KLF12: variants seen among roughly 807,000 people sequenced by gnomAD.
KLF12 encodes Krueppel-like factor 12.
KLF12 carries 9 observed loss-of-function variants against 37.8 expected under a neutral mutation model. The ratio of observed to expected loss-of-function variants is 0.24; its 90% CI spans 0.14 to 0.42. KLF12 has a LOEUF of 0.42. Ranked by LOEUF, KLF12 falls within the 10% of genes least tolerant of loss-of-function variation. The probability of loss-of-function intolerance (pLI) is 1.00; values close to 1 mark genes in which losing one functional copy is unlikely to be tolerated. For missense variants in KLF12, 411 were observed against 516.0 expected, an observed-to-expected ratio of 0.80 and a Z score of 1.97; for synonymous variants, 208 against 202.1, an observed-to-expected ratio of 1.03 and a Z score of -0.25.
chr13:74,133,656 T>C (rs1878393968), intron 1 of KLF12, among the ~76,000 whole-genome samples: 1 of 136,350 alleles, frequency 7.3e-6, no homozygotes, highest in Non-Finnish European at 1.6e-5. Flanking sequence ...GTTAAGAGAA[T>C]ACGGTCTGAT....
At chr13:73,813,411 AG>A in intron 4 of KLF12, 124 bp from the exon 5 acceptor site, 1 of 1,036,762 alleles carries the variant, frequency 9.6e-7, no homozygotes, top group Middle Eastern at 2.2e-4. Context: ...TAGACATCAC[AG>A]GAATCAGTGA....
intron 1 of KLF12, among the ~76,000 whole-genome samples, chr13:73,998,849 A>T (rs1892193573): frequency 6.6e-6 from 1 of 152,242 alleles, no homozygotes; most frequent in Non-Finnish European, 1.5e-5. Context: ...GATAAATGCA[A>T]ATCTAAGTGC....
chr13:74,281,726 CAT>C, the KLF12 span, among the ~76,000 whole-genome samples: 1 of 152,158 alleles, frequency 6.6e-6, no homozygotes, highest in African/African-American at 2.4e-5. Context: ...GGTTACAAGA[CAT>C]TCTCCATTTT....
intron 7 of KLF12, among the ~76,000 whole-genome samples, chr13:73,700,351 C>G (rs2137574751): frequency 6.6e-6 from 1 of 151,502 alleles, no homozygotes; most frequent in Non-Finnish European, 1.5e-5. Flanking sequence ...GGCTAAGTAA[C>G]TAATGAAGGC....
intron 3 of KLF12, among the ~76,000 whole-genome samples, chr13:73,935,891 C>T (rs1376327614): frequency 2.6e-5 from 4 of 152,056 alleles, no homozygotes; most frequent in Non-Finnish European, 4.4e-5. Context: ...GGATCACAGG[C>T]GTGAGCACTT....
In KLF12 at chr13:73,958,012, C is replaced by T. The variant is rs376861756; in HGVS notation, c.34-13942G>A. On this transcript the variant is annotated intron_variant, in intron 2 of 7. Transcript: ENST00000377669. The stretch of plus-strand genomic sequence containing the variant: ...TGCAGAAAAGCAAACCACAAATTCA[C>T]TTCTTTTCGCACATGCAGTTTTGTT... Among the ~76,000 whole-genome samples, 5 of 152,188 alleles carry T rather than the reference C, an allele frequency of 3.3e-5. No homozygotes were observed. The South Asian group carries it at 8.3e-4, about 25-fold the overall frequency.
rs1233201697 is a variant in KLF12 at position 73,719,752 on chromosome 13, C to G, written c.870-4227G>C. Among the ~76,000 whole-genome samples the G allele has an allele frequency of 3.3e-5, 5 of 152,090 alleles. No homozygotes were observed. The East Asian group carries it at 9.6e-4, about 29-fold the overall frequency. On this transcript the variant is annotated intron_variant, in intron 6 of 7. Transcript: ENST00000377669. ...GAGTAGCTAGGATTACAGGTACATG[C>G]CACCATGCCTGGCTAACGTTTTAAT...
the KLF12 span, among the ~76,000 whole-genome samples, chr13:74,160,458 T>C: frequency 1.3e-5 from 2 of 152,222 alleles, no homozygotes; most frequent in African/African-American, 4.8e-5. Context: ...AGAAAACTCA[T>C]CTACAGTGAA....
the KLF12 span, among the ~76,000 whole-genome samples, chr13:74,163,889 T>C: frequency 4.5e-5 from 4 of 89,702 alleles, no homozygotes; most frequent in Non-Finnish European, 1.0e-4. Flanking sequence ...AAAAATAATT[T>C]AAAAATTAAA....
At chr13:73,739,127 G>A (rs1295508446) in intron 6 of KLF12, among the ~76,000 whole-genome samples, 3 of 151,836 alleles carry the variant, frequency 2.0e-5, no homozygotes, top group Non-Finnish European at 4.4e-5. Context: ...CCCACTACTC[G>A]GGAGGCTGAG....
chr13:74,008,522 C>G (rs954774513), intron 1 of KLF12, among the ~76,000 whole-genome samples: 1 of 152,152 alleles, frequency 6.6e-6, no homozygotes, highest in Non-Finnish European at 1.5e-5. Flanking sequence ...TTATTTGATT[C>G]GCTAATGAAG....
rs1158756782 is a variant in KLF12, at chr13:73,688,307, G to A, written c.*7183C>T. 1 of 152,460 alleles carries A rather than the reference G, an allele frequency of 6.6e-6. No individual in the cohort carries two copies. The highest frequency in any genetic ancestry group is 2.4e-5 in the African/African-American group (1 of 41,428). 9.4% of individuals were successfully genotyped at this position (152,460 alleles called of 1,614,324 possible). On this transcript the variant is annotated 3_prime_UTR_variant, in exon 8 of 8. Transcript: ENST00000377669. ...AATACTATAAACAAATTATTTATAA[G>A]ACTATTTAAAACATTCCACAACAGA...
At chr13:73,718,268 T>A (rs544902914) in intron 6 of KLF12, among the ~76,000 whole-genome samples, 1 of 152,094 alleles carries the variant, frequency 6.6e-6, no homozygotes, top group African/African-American at 2.4e-5. Flanking sequence ...CAGTCAATAA[T>A]GAATGTTTCT....
chr13:73,888,443 A>G (rs1003740704), intron 3 of KLF12, among the ~76,000 whole-genome samples: 3 of 152,224 alleles, frequency 2.0e-5, no homozygotes, highest in Non-Finnish European at 4.4e-5. Flanking sequence ...AAGAAATTAG[A>G]TATTGCTGCT....
chr13:74,263,266 G>A, the KLF12 span, among the ~76,000 whole-genome samples: 13 of 152,022 alleles, frequency 8.6e-5, no homozygotes, highest in Non-Finnish European at 1.6e-4. Flanking sequence ...ATTACACATA[G>A]GTAGTTTAAC....
chr13:74,148,794 T>A, the KLF12 span, among the ~76,000 whole-genome samples: 1 of 151,996 alleles, frequency 6.6e-6, no homozygotes, highest in East Asian at 1.9e-4. Flanking sequence ...AGTGTTGGAG[T>A]GTTCATGTTT....
the KLF12 span, among the ~76,000 whole-genome samples, chr13:74,141,853 C>A: frequency 1.7e-4 from 26 of 152,134 alleles, no homozygotes; most frequent in Admixed American, 6.5e-4. Flanking sequence ...GAATTTGGAA[C>A]AACCAACTGG....
chr13:74,073,167 C>G (rs1019207896), intron 1 of KLF12, among the ~76,000 whole-genome samples: 6 of 152,208 alleles, frequency 3.9e-5, no homozygotes, highest in African/African-American at 9.7e-5. Flanking sequence ...GTCCACTAAA[C>G]CTCTTTTTCT....
At position 73,944,062 on chromosome 13, in the gene KLF12, G is replaced by T; in HGVS notation, c.42C>A (p.Asn14Lys). ...GCATTAACATTCTGTTCTCAAAGGT[G>T]TTGATATTCTGAGAATAGAAGGGAG... Residue 14 changes from asparagine (N) to lysine (K), a missense_variant, in exon 3 of 8, where the codon AAC becomes AAA. By Grantham distance (94) the Asn-to-Lys change is moderately conservative. This residue lies in a region of KLF12 where 351 missense variants were observed against 397.8 expected (regional missense o/e 0.88). Coordinates refer to ENST00000377669, the MANE Select transcript of KLF12 (RefSeq NM_007249.5). 6.2e-7 allele frequency: 1 copy of T among 1,602,948 alleles called. No homozygotes were observed. Among genetic ancestry groups the T allele is most frequent in the Non-Finnish European group, 8.5e-7 (1 of 1,171,306 alleles).
Sources: allele counts gnomAD v4.1 joint callset (sites outside exome capture counted in the v4.1 genomes callset), GRCh38; gene constraint gnomAD v4.1.1; regional missense constraint gnomAD v4.1.1; transcripts MANE v1.5; gene names NCBI Gene and HGNC (gene_info 2026-07-23, HGNC 2026-07-21).